EIF2B3: variants seen among roughly 807,000 people sequenced by gnomAD.
EIF2B3 encodes the protein translation initiation factor eIF2B subunit gamma.
In EIF2B3, 20 loss-of-function variants were observed where a neutral mutation model predicts 54.1. That is an observed-to-expected ratio of 0.37 (90% CI 0.26 to 0.54). EIF2B3 has a LOEUF of 0.54. Ranked by LOEUF, EIF2B3 falls within the 20% of genes least tolerant of loss-of-function variation. The pLI is 0.86. For missense variants in EIF2B3, 448 were observed against 547.8 expected (o/e 0.82, Z 1.82); for synonymous variants, 153 against 188.1 (o/e 0.81, Z 1.52).
At chr1:44,868,397 CAAAAAAAAAAAAAA>C (rs34094245) in intron 10 of EIF2B3, among the ~76,000 whole-genome samples, 1 of 65,436 alleles carries the variant, frequency 1.5e-5, no homozygotes, top group South Asian at 6.2e-4. Context: ...GACTCCGTCT[CAAAAAAAAAAAAAA>C]AAAAAAAAAA....
intron 10 of EIF2B3, chr1:44,863,199 T>C (rs1210654719): frequency 3.3e-5 from 5 of 152,170 alleles, no homozygotes. Flanking sequence ...AAGATATGTG[T>C]AGCTTTTCTA....
chr1:44,887,598 T>C (rs1655635937), intron 6 of EIF2B3, among the ~76,000 whole-genome samples: 1 of 152,230 alleles, frequency 6.6e-6, no homozygotes, highest in South Asian at 2.1e-4. Flanking sequence ...TAGGGATGCT[T>C]ACTGATATGC....
intron 1 of EIF2B3, among the ~76,000 whole-genome samples, chr1:44,986,116 C>T (rs902681994): frequency 2.0e-5 from 3 of 151,156 alleles, no homozygotes; most frequent in Admixed American, 6.6e-5. Flanking sequence ...CTCCCCGAAA[C>T]TTCGTTTCTT....
rs1478559597 is a variant in EIF2B3, at chr1:44,874,719, A to C, written c.1161T>G (p.Ile387Met). Residue 387 changes from isoleucine to methionine, a missense_variant, in exon 10 of 12, where the codon ATT becomes ATG. Coordinates refer to ENST00000360403, the MANE Select transcript of EIF2B3 (RefSeq NM_020365.5). ...CTGAGTTCATGAGAAGGCAATTGGT[A>C]ATAGTCACTCTATCTTTTATGAGAC... ...SSCLIKDRVT[I>M]TNCLLMNSVT... 6.2e-7 allele frequency: 1 copy of C among 1,614,162 alleles called. No homozygotes were observed. Among genetic ancestry groups the C allele is most frequent in the Admixed American group, 1.7e-5 (1 of 60,012 alleles).
At chr1:44,889,968 T>G (rs750385458) in intron 6 of EIF2B3, among the ~76,000 whole-genome samples, 1 of 152,242 alleles carries the variant, frequency 6.6e-6, no homozygotes, top group Non-Finnish European at 1.5e-5. Flanking sequence ...GGTGGATAGA[T>G]TCCTCTGAAA....
At chr1:44,854,379 T>G (rs962288535) in intron 11 of EIF2B3, among the ~76,000 whole-genome samples, 1 of 151,810 alleles carries the variant, frequency 6.6e-6, no homozygotes, top group African/African-American at 2.4e-5. Flanking sequence ...CTGCCAGTAT[T>G]TTTGCCAGAG....
At chr1:44,901,932 C>G (rs953574411) in intron 5 of EIF2B3, among the ~76,000 whole-genome samples, 1 of 152,144 alleles carries the variant, frequency 6.6e-6, no homozygotes, top group Admixed American at 6.5e-5. Flanking sequence ...ACAACTCTTA[C>G]AGTTTTAGCT....
At chr1:44,986,053 G>T (rs1402131298) in intron 1 of EIF2B3, among the ~76,000 whole-genome samples, 2 of 152,122 alleles carry the variant, frequency 1.3e-5, no homozygotes, top group Non-Finnish European at 2.9e-5. Flanking sequence ...AGTGCTAAAG[G>T]CGTCTGGTAC....
At chr1:44,947,718 G>A (rs993226907) in intron 3 of EIF2B3, among the ~76,000 whole-genome samples, 1 of 152,092 alleles carries the variant, frequency 6.6e-6, no homozygotes, top group African/African-American at 2.4e-5. Flanking sequence ...CACAAATAAT[G>A]GCTATGATCC....
intron 5 of EIF2B3, among the ~76,000 whole-genome samples, chr1:44,915,332 G>A (rs1643600491): frequency 6.6e-6 from 1 of 151,916 alleles, no homozygotes; most frequent in Admixed American, 6.6e-5. Flanking sequence ...TATTTTTTGA[G>A]ATAGGGTCTC....
At chr1:44,857,267 C>T (rs879448736) in intron 11 of EIF2B3, among the ~76,000 whole-genome samples, 13 of 152,164 alleles carry the variant, frequency 8.5e-5, no homozygotes, top group African/African-American at 2.4e-4. Context: ...CGGTGGCTTA[C>T]GCCTGTAATC....
rs2148927857 is a variant in EIF2B3, at chr1:44,919,370, G to T, written c.566+7258C>A. Among the ~76,000 whole-genome samples, 4 of 150,890 alleles carry T rather than the reference G, an allele frequency of 2.7e-5. No homozygotes were observed. In the East Asian group the frequency reaches 7.8e-4, roughly 29 times the overall value. On this transcript the variant is annotated intron_variant, in intron 5 of 11. Coordinates refer to ENST00000360403, the MANE Select transcript of EIF2B3 (RefSeq NM_020365.5). ...CTCTCAAAAAAAAAAAAAAAAATTA[G>T]TTACAGCTGAACCACACAGTCACTA...
At chr1:44,925,708 C>T (rs187661924) in intron 5 of EIF2B3, among the ~76,000 whole-genome samples, 18 of 151,822 alleles carry the variant, frequency 1.2e-4, no homozygotes, top group Non-Finnish European at 2.5e-4. Flanking sequence ...GGGTGGACTA[C>T]GGGTCAGGAG....
Position 44,981,035 on chromosome 1 carries a change from C to A in EIF2B3, c.134G>T (p.Arg45Leu), listed in dbSNP as rs139445917. The A allele has an allele frequency of 2.5e-6, 4 of 1,613,658 alleles. No homozygotes were observed. The Admixed American group carries it at 6.7e-5, about 27-fold the overall frequency. Reference sequence around the variant, plus strand: ...TCATAGCTCACCTTCAAATCCAACACGCTCAAGCAGGTTCAATGGGTACCA... The same window carrying A: ...TCATAGCTCACCTTCAAATCCAACAAGCTCAAGCAGGTTCAATGGGTACCA... ...LIWYPLNLLE[R>L]VGFEEVIVVT... Residue 45 changes from arginine (R) to leucine (L), a missense_variant, in exon 2 of 12, where the codon CGT (arginine) becomes CTT (leucine). Physicochemically the swap from Arg to Leu is moderately radical, Grantham distance 102. Transcript: ENST00000360403.
At chr1:44,979,943 G>A (rs1232388524) in intron 2 of EIF2B3, among the ~76,000 whole-genome samples, 1 of 152,114 alleles carries the variant, frequency 6.6e-6, no homozygotes, top group African/African-American at 2.4e-5. Context: ...TCCAGCCTGG[G>A]CGACAGGGTG....
intron 6 of EIF2B3, among the ~76,000 whole-genome samples, chr1:44,884,971 A>G (rs894096610): frequency 6.6e-6 from 1 of 152,234 alleles, no homozygotes; most frequent in Non-Finnish European, 1.5e-5. Context: ...ACTTAGAAAC[A>G]TAATGAAGGA....
Position 44,886,407 on chromosome 1 carries a change from G to C in EIF2B3, c.657-4668C>G, listed in dbSNP as rs573847119. ...GATTATTTTTAAAGTGTGATTTCAA[G>C]CATGTATTCTTACTATATATATGAA... On this transcript the variant is annotated intron_variant, in intron 6 of 11. Coordinates refer to ENST00000360403, the MANE Select transcript of EIF2B3 (RefSeq NM_020365.5). 2.6e-5 allele frequency among the ~76,000 whole-genome samples: 4 copies of C among 152,286 alleles called. No individual in the cohort carries two copies. In the South Asian group the frequency reaches 8.3e-4, roughly 32 times the overall value.
intron 8 of EIF2B3, 62 bp from the exon 9 acceptor site, chr1:44,875,757 C>T (rs1655106341): frequency 7.5e-7 from 1 of 1,337,226 alleles, no homozygotes; most frequent in Non-Finnish European, 1.1e-6. Context: ...CTCCCTCTCC[C>T]TCTCCCTCTA....
At chr1:44,871,874 CTTTTTT>C (rs71040515) in intron 10 of EIF2B3, among the ~76,000 whole-genome samples, 1 of 118,910 alleles carries the variant, frequency 8.4e-6, no homozygotes, top group African/African-American at 3.2e-5. Flanking sequence ...ACTTCACAAT[CTTTTTT>C]TTTTTTTTTT....
Sources: allele counts gnomAD v4.1 joint callset (sites outside exome capture counted in the v4.1 genomes callset), GRCh38; gene constraint gnomAD v4.1.1; transcripts MANE v1.5; gene names NCBI Gene and HGNC (gene_info 2026-07-23, HGNC 2026-07-21).